Variants in GSTCD observed in about 807,000 individuals in gnomAD.
GSTCD encodes glutathione S-transferase C-terminal domain-containing protein.
Under a neutral mutation model 68.3 loss-of-function variants are expected in GSTCD, and 44 were observed. That is an observed-to-expected ratio of 0.64 (90% CI 0.51 to 0.83). The LOEUF (loss-of-function observed/expected upper bound fraction) is 0.83. Among genes scored for constraint, GSTCD ranks in the 40% least tolerant of loss-of-function variants. GSTCD has a pLI of 0.00. For synonymous variants in GSTCD, 273 were observed against 255.2 expected (o/e 1.07, Z -0.67); for missense variants, 739 against 735.9 (o/e 1.00, Z -0.05).
At chr4:105,721,349 T>G (rs1230453491) in intron 3 of GSTCD, among the ~76,000 whole-genome samples, 1 of 152,240 alleles carries the variant, frequency 6.6e-6, no homozygotes, top group African/African-American at 2.4e-5. Context: ...CAAGCCTTTT[T>G]GCTTGCATTA....
intron 5 of GSTCD, among the ~76,000 whole-genome samples, chr4:105,819,990 A>T (rs1723203747): frequency 6.6e-6 from 1 of 151,628 alleles, no homozygotes; most frequent in Non-Finnish European, 1.5e-5. Flanking sequence ...GTATCCATGC[A>T]CTCTTTTATA....
At chr4:105,840,688 A>G (rs1183174318) in intron 10 of GSTCD, among the ~76,000 whole-genome samples, 1 of 152,226 alleles carries the variant, frequency 6.6e-6, no homozygotes, top group Non-Finnish European at 1.5e-5. Context: ...CTACATGCAG[A>G]TTTAAGAGTA....
At chr4:105,834,311 C>T in intron 8 of GSTCD, 150 bp from the exon 9 acceptor site, 1 of 600,242 alleles carries the variant, frequency 1.7e-6, no homozygotes, top group Non-Finnish European at 2.8e-6. Context: ...CCATTTGCAA[C>T]CTTTCAAACT....
chr4:105,753,105 A>G (rs1214875501), intron 5 of GSTCD: 3 of 151,980 alleles, frequency 2.0e-5, no homozygotes, highest in Non-Finnish European at 4.4e-5. Flanking sequence ...GAGTTTTTCC[A>G]TTGATCACAA....
chr4:105,847,409 A>G lies in GSTCD; in HGVS notation c.*1832A>G, dbSNP rs1299799402. On this transcript the variant is annotated 3_prime_UTR_variant, in exon 12 of 12. Coordinates refer to ENST00000515279, the MANE Select transcript of GSTCD (RefSeq NM_001370181.1). ...GTCATTTGTGCCTATAGAAAACAAC[A>G]TGCTCTTTTATTGTGGACTTTCTTC... 6.6e-6 allele frequency: 1 copy of G among 152,210 alleles called. No homozygotes were observed. Among genetic ancestry groups the G allele is most frequent in the Non-Finnish European group, 1.5e-5 (1 of 68,032 alleles). The allele number at this position is 152,210 out of a possible 1,614,324, so 9.4% of individuals were successfully genotyped here.
chr4:105,785,391 T>C (rs2553451), intron 5 of GSTCD, among the ~76,000 whole-genome samples: 141,290 of 152,106 alleles, frequency 0.93, 65,647 homozygotes, highest in East Asian at 0.97. Flanking sequence ...CAATTTACCC[T>C]AGAAAGGCAA....
intron 5 of GSTCD, among the ~76,000 whole-genome samples, chr4:105,773,877 G>C (rs1391723560): frequency 1.3e-5 from 2 of 152,152 alleles, no homozygotes; most frequent in South Asian, 2.1e-4. Context: ...AGGTTCGCTT[G>C]GTCCAGAGCT....
In GSTCD at chr4:105,717,730, T is replaced by C; in HGVS notation, c.117T>C (p.Ser39=). 1 of 1,613,838 alleles carries C rather than the reference T, an allele frequency of 6.2e-7. No individual in the cohort carries two copies. Among genetic ancestry groups the C allele is most frequent in the Non-Finnish European group, 8.5e-7 (1 of 1,179,740 alleles). Residue 39 remains serine (S), a synonymous_variant, in exon 2 of 12, where the codon TCT becomes TCC. Transcript: ENST00000515279. The stretch of plus-strand genomic sequence containing the variant: ...CATCTGTAACTTTATTTCTGTTATC[T>C]TACTGTGACTGTAAAATCTTTAAAA... ...LHTSVTLFLL[S]YCDCKIFKIC...
intron 5 of GSTCD, among the ~76,000 whole-genome samples, chr4:105,750,697 A>G (rs1733983683): frequency 6.6e-6 from 1 of 152,156 alleles, no homozygotes; most frequent in African/African-American, 2.4e-5. Context: ...CTGCACAAGA[A>G]TGTTTATAGC....
intron 5 of GSTCD, among the ~76,000 whole-genome samples, chr4:105,737,464 TG>T (rs1733498744): frequency 6.6e-6 from 1 of 152,210 alleles, no homozygotes; most frequent in African/African-American, 2.4e-5. Context: ...TTTCCTTTGC[TG>T]TATAGGTTTT....
chr4:105,807,866 A>G (rs1722582271), intron 5 of GSTCD, among the ~76,000 whole-genome samples: 1 of 152,134 alleles, frequency 6.6e-6, no homozygotes, highest in African/African-American at 2.4e-5. Flanking sequence ...CGTGTTCTCC[A>G]GTAAGTTTTC....
At chr4:105,802,592 A>C (rs1212813186) in intron 5 of GSTCD, among the ~76,000 whole-genome samples, 1 of 151,998 alleles carries the variant, frequency 6.6e-6, no homozygotes, top group Non-Finnish European at 1.5e-5. Flanking sequence ...TTTTCCTTCC[A>C]TATATTCTGG....
At chr4:105,823,093 T>A in intron 6 of GSTCD, 24 bp downstream of exon 6, 2 of 1,584,292 alleles carry the variant, frequency 1.3e-6, no homozygotes, top group Non-Finnish European at 1.7e-6. Flanking sequence ...CCTTTCATCC[T>A]TTTTAGTCTT....
intron 5 of GSTCD, among the ~76,000 whole-genome samples, chr4:105,773,235 A>G (rs970641068): frequency 1.4e-5 from 2 of 147,488 alleles, no homozygotes; most frequent in African/African-American, 2.5e-5. Context: ...TGTCTGTTTG[A>G]TTCTTCTCAC....
chr4:105,781,590 A>C (rs1056622127), intron 5 of GSTCD, among the ~76,000 whole-genome samples: 1 of 152,038 alleles, frequency 6.6e-6, no homozygotes, highest in Non-Finnish European at 1.5e-5. Context: ...AATTGGACTC[A>C]TGACTCTATT....
intron 5 of GSTCD, among the ~76,000 whole-genome samples, chr4:105,802,824 A>G (rs896570787): frequency 3.9e-5 from 6 of 152,132 alleles, no homozygotes; most frequent in Admixed American, 3.9e-4. Context: ...TAATAACACC[A>G]CATTGCTATA....
At chr4:105,747,852 A>G (rs1733857459) in intron 5 of GSTCD, among the ~76,000 whole-genome samples, 2 of 150,408 alleles carry the variant, frequency 1.3e-5, no homozygotes, top group African/African-American at 4.9e-5. Context: ...TGTTTTCTTA[A>G]CTTTTAAAAA....
At chr4:105,773,632 G>A (rs534111876) in intron 5 of GSTCD, among the ~76,000 whole-genome samples, 1 of 152,288 alleles carries the variant, frequency 6.6e-6, no homozygotes, top group African/African-American at 2.4e-5. Context: ...TAGTCACTCA[G>A]GAGCAGGTTG....
chr4:105,807,882 T>C (rs1722582595), intron 5 of GSTCD, among the ~76,000 whole-genome samples: 1 of 152,138 alleles, frequency 6.6e-6, no homozygotes, highest in South Asian at 2.1e-4. Context: ...TTTTCCTCAA[T>C]GGTTTTAGCA....
Sources: allele counts gnomAD v4.1 joint callset (sites outside exome capture counted in the v4.1 genomes callset), GRCh38; gene constraint gnomAD v4.1.1; transcripts MANE v1.5; gene names NCBI Gene and HGNC (gene_info 2026-07-23, HGNC 2026-07-21).